Variants in MAGI1 observed in about 807,000 individuals in gnomAD.
The protein encoded by MAGI1 is membrane associated guanylate kinase, WW and PDZ domain containing 1, also known as membrane-associated guanylate kinase, WW and PDZ domain-containing protein 1.
In MAGI1, 58 loss-of-function variants were observed where a neutral mutation model predicts 139.9. That is an observed-to-expected ratio of 0.41 (90% CI 0.34 to 0.52). MAGI1 has a LOEUF of 0.52. Ranked by LOEUF, MAGI1 falls within the 20% of genes least tolerant of loss-of-function variation. The pLI, the probability that MAGI1 is intolerant of heterozygous loss-of-function variation, is 0.12. For synonymous variants in MAGI1, 812 were observed against 737.9 expected (o/e 1.10, Z -1.63); for missense variants, 1,874 against 1,901.6 (o/e 0.99, Z 0.27).
chr3:65,672,691 T>C (rs1304374086), intron 1 of MAGI1, among the ~76,000 whole-genome samples: 2 of 152,206 alleles, frequency 1.3e-5, no homozygotes, highest in Admixed American at 1.3e-4. Context: ...AGAAATTGCA[T>C]GTTATCAATT....
intron 1 of MAGI1, among the ~76,000 whole-genome samples, chr3:65,757,614 G>A (rs1313872299): frequency 6.6e-6 from 1 of 152,050 alleles, no homozygotes; most frequent in Admixed American, 6.6e-5. Flanking sequence ...CTCCAGCCTG[G>A]GCAACAGAGC....
At chr3:65,936,979 T>C (rs2063093587) in intron 1 of MAGI1, among the ~76,000 whole-genome samples, 1 of 151,856 alleles carries the variant, frequency 6.6e-6, no homozygotes. Flanking sequence ...GTGATGGTGG[T>C]GGTGGTGGTG....
rs1005818735 is a variant in MAGI1, at chr3:65,794,007, T to C, written c.314-171919A>G. On this transcript the variant is annotated intron_variant, in intron 1 of 22. Coordinates refer to ENST00000402939, the MANE Select transcript of MAGI1 (RefSeq NM_001033057.2). ...TATGTCAAACCCACTGCCTTCCTTT[T>C]TCCTCGGAGCAAGACAGCCACCATA... Among the ~76,000 whole-genome samples, 3 of 152,190 alleles carry C rather than the reference T, an allele frequency of 2.0e-5. No individual in the cohort carries two copies. In the East Asian group the frequency reaches 5.8e-4, roughly 29 times the overall value.
intron 1 of MAGI1, among the ~76,000 whole-genome samples, chr3:65,738,986 G>A (rs959802184): frequency 2.6e-5 from 4 of 152,174 alleles, no homozygotes; most frequent in African/African-American, 9.7e-5. Context: ...CCTAACAAGA[G>A]ACTGAGTCTG....
At chr3:66,026,644 T>C (rs1252507258) in intron 1 of MAGI1, among the ~76,000 whole-genome samples, 1 of 151,548 alleles carries the variant, frequency 6.6e-6, no homozygotes, top group Non-Finnish European at 1.5e-5. Context: ...TGTGACTCTT[T>C]GAAATAATGA....
At chr3:65,778,148 G>A (rs189262040) in intron 1 of MAGI1, among the ~76,000 whole-genome samples, 55 of 152,150 alleles carry the variant, frequency 3.6e-4, no homozygotes, top group Admixed American at 1.3e-3. Flanking sequence ...AGAAAAGTTC[G>A]GCCAGGTGCA....
At chr3:65,540,543 T>C (rs896098309) in intron 2 of MAGI1, among the ~76,000 whole-genome samples, 1 of 152,158 alleles carries the variant, frequency 6.6e-6, no homozygotes, top group Non-Finnish European at 1.5e-5. Context: ...TTACATTTGT[T>C]TTGAGAGTGG....
At chr3:65,500,685 C>A (rs974151285) in intron 2 of MAGI1, among the ~76,000 whole-genome samples, 1 of 152,166 alleles carries the variant, frequency 6.6e-6, no homozygotes, top group Non-Finnish European at 1.5e-5. Context: ...CAACGCCATG[C>A]GGTTTCAAGA....
chr3:65,586,523 G>C (rs1014694620), intron 2 of MAGI1, among the ~76,000 whole-genome samples: 1 of 152,066 alleles, frequency 6.6e-6, no homozygotes, highest in African/African-American at 2.4e-5. Context: ...ATACCAAAAA[G>C]AGTAACTTTT....
At chr3:65,885,515 T>A (rs890177982) in intron 1 of MAGI1, among the ~76,000 whole-genome samples, 1 of 152,116 alleles carries the variant, frequency 6.6e-6, no homozygotes, top group African/African-American at 2.4e-5. Flanking sequence ...CCCACTCAAA[T>A]CACATCTGGA....
At chr3:66,012,888 A>C (rs1187510539) in intron 1 of MAGI1, among the ~76,000 whole-genome samples, 7 of 152,194 alleles carry the variant, frequency 4.6e-5, no homozygotes, top group African/African-American at 1.7e-4. Context: ...TTTTAACTGC[A>C]GCTCTTTCCC....
At chr3:65,867,082 T>C (rs966122157) in intron 1 of MAGI1, among the ~76,000 whole-genome samples, 7 of 152,206 alleles carry the variant, frequency 4.6e-5, no homozygotes, top group African/African-American at 1.7e-4. Flanking sequence ...AGTTTCCTGA[T>C]CTGGAAATTG....
intron 2 of MAGI1, among the ~76,000 whole-genome samples, chr3:65,606,507 T>C (rs146033632): frequency 2.4e-3 from 356 of 150,910 alleles, no homozygotes; most frequent in African/African-American, 7.6e-3. Flanking sequence ...CACCCGGATG[T>C]TTATTTATTT....
At chr3:65,387,323 A>G in intron 14 of MAGI1, 1 of 840,004 alleles carries the variant, frequency 1.2e-6, no homozygotes, top group South Asian at 1.5e-5. Context: ...CAGTCAGTTC[A>G]GCTTTCACAA....
At chr3:65,517,835 C>T (rs2077975963) in intron 2 of MAGI1, among the ~76,000 whole-genome samples, 1 of 152,140 alleles carries the variant, frequency 6.6e-6, no homozygotes, top group Non-Finnish European at 1.5e-5. Context: ...CTTTGTGTGA[C>T]CTCAGAGCTC....
chr3:65,530,081 G>A (rs895798268), intron 2 of MAGI1, among the ~76,000 whole-genome samples: 18 of 152,214 alleles, frequency 1.2e-4, no homozygotes, highest in African/African-American at 3.6e-4. Context: ...AAAAATGCAT[G>A]AATGAATGAA....
At chr3:65,638,419 C>T (rs2084772052) in intron 1 of MAGI1, among the ~76,000 whole-genome samples, 1 of 151,732 alleles carries the variant, frequency 6.6e-6, no homozygotes, top group Admixed American at 6.6e-5. Flanking sequence ...TCCATATCTC[C>T]AGACTGCAAA....
chr3:65,940,541 G>C (rs756119517), intron 1 of MAGI1, among the ~76,000 whole-genome samples: 42 of 152,266 alleles, frequency 2.8e-4, no homozygotes, highest in Middle Eastern at 3.4e-3. Flanking sequence ...CCACCCCTAT[G>C]ATCTAAATAC....
chr3:65,992,655 G>C (rs879727207), intron 1 of MAGI1, among the ~76,000 whole-genome samples: 3 of 152,050 alleles, frequency 2.0e-5, no homozygotes, highest in East Asian at 3.9e-4. Flanking sequence ...ACAAGCTCTC[G>C]GGAGATGTGA....
Sources: allele counts gnomAD v4.1 joint callset (sites outside exome capture counted in the v4.1 genomes callset), GRCh38; gene constraint gnomAD v4.1.1; transcripts MANE v1.5; gene names NCBI Gene and HGNC (gene_info 2026-07-23, HGNC 2026-07-21).